The following USP4 variants were observed in gnomAD, a reference collection of about 807,000 sequenced individuals.
USP4 encodes ubiquitin carboxyl-terminal hydrolase 4.
USP4 carries 72 observed loss-of-function variants against 118.2 expected under a neutral mutation model. The observed-to-expected ratio is 0.61, with a 90% confidence interval of 0.50 to 0.74. The LOEUF is 0.74. USP4 is among the 30% of genes least tolerant of loss of function. USP4 has a pLI of 0.00. For synonymous variants in USP4, 415 were observed against 440.4 expected, an observed-to-expected ratio of 0.94 and a Z score of 0.72; for missense variants, 1,037 against 1,185.7, an observed-to-expected ratio of 0.87 and a Z score of 1.84.
chr3:49,281,322 G>C (rs1271842164), intron 19 of USP4, among the ~76,000 whole-genome samples: 1 of 151,908 alleles, frequency 6.6e-6, no homozygotes, highest in East Asian at 1.9e-4. Flanking sequence ...TGGGCGTGGT[G>C]GTGGGCGCCT....
intron 18 of USP4, 127 bp from the exon 19 acceptor site, chr3:49,284,263 G>A (rs2047070772): frequency 1.1e-5 from 15 of 1,327,302 alleles, no homozygotes; most frequent in Admixed American, 2.1e-5. Flanking sequence ...CAACACTACT[G>A]CTTCTGGCCA....
chr3:49,300,396 T>A, intron 11 of USP4, 71 bp downstream of exon 11: 2 of 1,421,590 alleles, frequency 1.4e-6, no homozygotes, highest in South Asian at 1.2e-5. Context: ...ATGCAGCAGA[T>A]AGGAGCAGTC....
At chr3:49,331,806 A>G (rs183203815) in intron 2 of USP4, among the ~76,000 whole-genome samples, 85 of 152,178 alleles carry the variant, frequency 5.6e-4, no homozygotes, top group Admixed American at 2.2e-3. Context: ...CATCTGCAGT[A>G]TCCCTTAAGA....
chr3:49,317,534 G>GTTTTGTTTTGTTT (rs2047452892), intron 6 of USP4: 1 of 575,146 alleles, frequency 1.7e-6, no homozygotes, highest in African/African-American at 2.2e-5. Context: ...TTTGTTTTTT[G>GTTTTGTTTTGTTT]TTTGTTTGTT....
At chr3:49,278,665 G>C in intron 21 of USP4, 149 bp downstream of exon 21, 1 of 836,732 alleles carries the variant, frequency 1.2e-6, no homozygotes, top group Non-Finnish European at 1.9e-6. Context: ...CATTTATGAA[G>C]GTCCCTGAAG....
intron 8 of USP4, among the ~76,000 whole-genome samples, chr3:49,310,099 C>A (rs2047368486): frequency 6.6e-6 from 1 of 151,100 alleles, no homozygotes; most frequent in African/African-American, 2.4e-5. Context: ...CAGATGCATG[C>A]CACCACACCC....
chr3:49,305,472 A>G (rs1338136106), intron 9 of USP4, among the ~76,000 whole-genome samples: 2 of 151,406 alleles, frequency 1.3e-5, no homozygotes, highest in Non-Finnish European at 2.9e-5. Flanking sequence ...AGTACGGGAG[A>G]GTATCCCTTA....
chr3:49,324,603 C>T, intron 6 of USP4, 99 bp downstream of exon 6: 1 of 1,147,974 alleles, frequency 8.7e-7, no homozygotes, highest in Non-Finnish European at 1.3e-6. Flanking sequence ...CATTGTTCAT[C>T]TGAATCAGAA....
At position 49,286,298 on chromosome 3, in the gene USP4, T is replaced by A. The variant is rs1320983261; in HGVS notation, c.2000A>T (p.Gln667Leu). The change falls in exon 16 of 22, where the codon CAG (glutamine) becomes CTG (leucine). Residue 667 changes from glutamine (Q) to leucine (L), a missense_variant. Gln to Leu is a moderately radical substitution (Grantham distance 113). Coordinates refer to ENST00000265560, the MANE Select transcript of USP4 (RefSeq NM_003363.4). The part of the protein sequence containing the change: ...EGEDEEEMEH[Q>L]EEGKEQLSET... Reference sequence around the variant, plus strand: ...TGAAAGCTGCTCTTTGCCTTCTTCCTGATGCTCCATTTCTTCCTCATCTTC... The same window carrying A: ...TGAAAGCTGCTCTTTGCCTTCTTCCAGATGCTCCATTTCTTCCTCATCTTC... The A allele has an allele frequency of 6.2e-7, 1 of 1,614,188 alleles. No homozygotes were observed. The highest frequency in any genetic ancestry group is 1.1e-5 in the South Asian group (1 of 91,090).
chr3:49,318,393 C>G, intron 6 of USP4: 1 of 985,492 alleles, frequency 1.0e-6, no homozygotes, highest in Non-Finnish European at 1.2e-6. Context: ...GGACACCAAT[C>G]TCTTCTGGCT....
chr3:49,335,520 C>T lies in USP4; in HGVS notation c.178G>A (p.Gly60Ser), dbSNP rs750488843. The change falls in exon 2 of 22, where the codon GGT becomes AGT. Residue 60 changes from glycine (G) to serine (S), a missense_variant. By Grantham distance (56) the Gly-to-Ser change is moderately conservative. This residue lies in a region of USP4 where 487 missense variants were observed against 534.1 expected (regional missense o/e 0.91). Coordinates refer to ENST00000265560, the MANE Select transcript of USP4 (RefSeq NM_003363.4). Reference sequence around the variant, plus strand: ...GGGCCAGGAAATAGGTTATGTTCACCCACATTGTACATGTCCCAGCTGTCA... The same window carrying T: ...GGGCCAGGAAATAGGTTATGTTCACTCACATTGTACATGTCCCAGCTGTCA... ...GFDSWDMYNV[G>S]EHNLFPGPID... 6 of 1,614,188 alleles carry T rather than the reference C, an allele frequency of 3.7e-6. No homozygotes were observed. Among genetic ancestry groups the T allele is most frequent in the Non-Finnish European group, 5.1e-6 (6 of 1,180,034 alleles).
chr3:49,311,825 C>A, intron 6 of USP4, 171 bp from the exon 7 acceptor site: 1 of 1,319,810 alleles, frequency 7.6e-7, no homozygotes, highest in Non-Finnish European at 9.7e-7. Context: ...AGTGAGAGTC[C>A]ACAAATTAAC....
At chr3:49,305,999 C>A in intron 8 of USP4, 111 bp from the exon 9 acceptor site, 1 of 1,106,874 alleles carries the variant, frequency 9.0e-7, no homozygotes, top group Non-Finnish European at 1.2e-6. Flanking sequence ...AAATGAGGCA[C>A]TCAGGAGATT....
intron 14 of USP4, 81 bp downstream of exon 14, chr3:49,294,326 C>A: frequency 6.9e-7 from 1 of 1,441,224 alleles, no homozygotes; most frequent in Non-Finnish European, 9.5e-7. Flanking sequence ...ATCAACACAG[C>A]CACTTGGCAG....
At chr3:49,283,959 T>G in intron 19 of USP4, 28 bp downstream of exon 19, 1 of 1,612,400 alleles carries the variant, frequency 6.2e-7, no homozygotes, top group Non-Finnish European at 8.5e-7. Flanking sequence ...TTTTAAATGT[T>G]CCTAACACTG....
intron 2 of USP4, among the ~76,000 whole-genome samples, chr3:49,330,417 T>C (rs2047603768): frequency 6.6e-6 from 1 of 151,534 alleles, no homozygotes; most frequent in Non-Finnish European, 1.5e-5. Flanking sequence ...AAGCTCCACC[T>C]CTCGGGTTCA....
At chr3:49,298,101 C>A in intron 12 of USP4, 137 bp from the exon 13 acceptor site, 1 of 641,034 alleles carries the variant, frequency 1.6e-6, no homozygotes, top group South Asian at 1.9e-5. Context: ...CACAAACAGC[C>A]CCAGAGAGCT....
intron 19 of USP4, among the ~76,000 whole-genome samples, chr3:49,281,730 A>G (rs2047031661): frequency 6.7e-6 from 1 of 149,690 alleles, no homozygotes; most frequent in East Asian, 2.0e-4. Context: ...AAAAAAAAAA[A>G]GGCCGGGCAC....
At chr3:49,283,819 G>C (rs928866665) in intron 19 of USP4, among the ~76,000 whole-genome samples, 168 bp downstream of exon 19, 4 of 152,192 alleles carry the variant, frequency 2.6e-5, no homozygotes, top group African/African-American at 9.6e-5. Context: ...CCAAAGATGG[G>C]AGGATAGGGA....
Sources: allele counts gnomAD v4.1 joint callset (sites outside exome capture counted in the v4.1 genomes callset), GRCh38; gene constraint gnomAD v4.1.1; regional missense constraint gnomAD v4.1.1; transcripts MANE v1.5; gene names NCBI Gene and HGNC (gene_info 2026-07-23, HGNC 2026-07-21).